SCHIP1: variants seen among roughly 807,000 people sequenced by gnomAD.
SCHIP1 encodes the protein schwannomin-interacting protein 1.
Under a neutral mutation model 29.7 loss-of-function variants are expected in SCHIP1, and 8 were observed. That is an observed-to-expected ratio of 0.27 (90% CI 0.16 to 0.49). The LOEUF (loss-of-function observed/expected upper bound fraction) is 0.49. Among genes scored for constraint, SCHIP1 ranks in the 20% least tolerant of loss-of-function variants. The pLI, the probability that SCHIP1 is intolerant of heterozygous loss-of-function variation, is 0.99. For missense variants in SCHIP1, 193 were observed against 294.6 expected, an observed-to-expected ratio of 0.66 and a Z score of 2.52; for synonymous variants, 76 against 94.9, an observed-to-expected ratio of 0.80 and a Z score of 1.16.
chr3:159,375,134 T>C, the SCHIP1 span, among the ~76,000 whole-genome samples: 1 of 152,222 alleles, frequency 6.6e-6, no homozygotes, highest in Non-Finnish European at 1.5e-5. Context: ...GTATTTCCAC[T>C]GGACAATGTT....
At chr3:159,509,180 A>G in the SCHIP1 span, among the ~76,000 whole-genome samples, 2 of 152,204 alleles carry the variant, frequency 1.3e-5, no homozygotes, top group African/African-American at 4.8e-5. Context: ...TATTTAGGAT[A>G]GTTAGCTCTT....
chr3:159,345,877 T>C, the SCHIP1 span, among the ~76,000 whole-genome samples: 1 of 151,934 alleles, frequency 6.6e-6, no homozygotes, highest in Non-Finnish European at 1.5e-5. Flanking sequence ...CCAAAACCAT[T>C]AATAGTATGG....
the SCHIP1 span, among the ~76,000 whole-genome samples, chr3:159,680,730 A>ATACATATATTATATATGTATATTATATAT: frequency 1.4e-5 from 1 of 74,018 alleles, no homozygotes; most frequent in African/African-American, 7.1e-5. Flanking sequence ...GTATATATAT[A>ATACATATATTATATATGTATATTATATAT]ATATACATAT....
the SCHIP1 span, among the ~76,000 whole-genome samples, chr3:159,793,800 C>T: frequency 6.6e-6 from 1 of 152,312 alleles, no homozygotes; most frequent in East Asian, 1.9e-4. Context: ...TCAAGTCATC[C>T]ACTTGCCTCA....
At chr3:159,847,751 C>T (rs1001717667) in intron 1 of SCHIP1, among the ~76,000 whole-genome samples, 25 of 152,104 alleles carry the variant, frequency 1.6e-4, no homozygotes, top group African/African-American at 5.8e-4. Context: ...ACCTCCCCAC[C>T]CCACACTTTT....
the SCHIP1 span, among the ~76,000 whole-genome samples, chr3:159,381,812 T>C: frequency 6.6e-6 from 1 of 152,092 alleles, no homozygotes; most frequent in African/African-American, 2.4e-5. Flanking sequence ...GCCAGGCTGG[T>C]CTCGAACTCT....
the SCHIP1 span, among the ~76,000 whole-genome samples, chr3:159,739,760 T>C: frequency 3.0e-3 from 457 of 152,358 alleles, 5 homozygotes; most frequent in African/African-American, 0.01. Flanking sequence ...CAAAATTACT[T>C]GTGCTTCTTG....
the SCHIP1 span, among the ~76,000 whole-genome samples, chr3:159,463,874 C>T: frequency 1.3e-5 from 2 of 151,948 alleles, no homozygotes; most frequent in African/African-American, 4.8e-5. Flanking sequence ...TACGTCTTTC[C>T]TTTTCTGTAC....
At chr3:159,660,275 A>C in the SCHIP1 span, among the ~76,000 whole-genome samples, 1 of 152,108 alleles carries the variant, frequency 6.6e-6, no homozygotes, top group African/African-American at 2.4e-5. Flanking sequence ...AGTATAGATG[A>C]TGTCTGTGAG....
the SCHIP1 span, among the ~76,000 whole-genome samples, chr3:159,533,000 A>T: frequency 6.6e-6 from 1 of 152,254 alleles, no homozygotes; most frequent in Admixed American, 6.5e-5. Context: ...CATATAAAAA[A>T]TAAGCCACAC....
chr3:159,397,541 A>T, the SCHIP1 span, among the ~76,000 whole-genome samples: 4,106 of 152,188 alleles, frequency 0.027, 72 homozygotes, highest in East Asian at 0.11. Flanking sequence ...CTTCTAAAAG[A>T]TAGGACCCTC....
the SCHIP1 span, among the ~76,000 whole-genome samples, chr3:159,611,106 C>T: frequency 6.6e-6 from 1 of 152,034 alleles, no homozygotes; most frequent in Non-Finnish European, 1.5e-5. Flanking sequence ...GGTATAAAGC[C>T]AATACAGGCA....
At chr3:159,849,299 CATTTT>C (rs1712256537) in intron 1 of SCHIP1, among the ~76,000 whole-genome samples, 1 of 152,016 alleles carries the variant, frequency 6.6e-6, no homozygotes, top group Non-Finnish European at 1.5e-5. Context: ...CAGTTTTTCT[CATTTT>C]AATTGTATAT....
the SCHIP1 span, among the ~76,000 whole-genome samples, chr3:159,355,979 A>C: frequency 2.7e-5 from 4 of 150,826 alleles, no homozygotes; most frequent in African/African-American, 1.0e-4. Context: ...ATTTATAGTC[A>C]TTTGGGTATA....
At chr3:159,295,990 A>G in the SCHIP1 span, among the ~76,000 whole-genome samples, 63,089 of 152,010 alleles carry the variant, frequency 0.42, 13,327 homozygotes, top group African/African-American at 0.45. Context: ...AAACTTCAGA[A>G]ATTATCAGTG....
the SCHIP1 span, among the ~76,000 whole-genome samples, chr3:159,741,954 G>A: frequency 6.6e-6 from 1 of 152,194 alleles, no homozygotes; most frequent in Admixed American, 6.5e-5. Flanking sequence ...AAGGAGGCTG[G>A]GCACGGTGGG....
the SCHIP1 span, among the ~76,000 whole-genome samples, chr3:159,455,906 G>C: frequency 6.6e-6 from 1 of 152,166 alleles, no homozygotes; most frequent in South Asian, 2.1e-4. Context: ...TGGGGCTGCT[G>C]TCAGCCTTAA....
At chr3:159,871,671 C>G (rs1715303707) in intron 2 of SCHIP1, among the ~76,000 whole-genome samples, 1 of 152,128 alleles carries the variant, frequency 6.6e-6, no homozygotes, top group South Asian at 2.1e-4. Context: ...ACCCTCCAAC[C>G]TCATCTTGAG....
chr3:159,847,631 G>T (rs1196476365), intron 1 of SCHIP1, among the ~76,000 whole-genome samples: 2 of 152,180 alleles, frequency 1.3e-5, no homozygotes, highest in Non-Finnish European at 2.9e-5. Flanking sequence ...AGTGACCACA[G>T]TTGAGTTTCT....
Sources: gnomAD v4.1 joint callset for allele counts (sites outside exome capture counted in the v4.1 genomes callset) on GRCh38, gnomAD v4.1.1 for gene constraint, MANE v1.5 for transcripts, NCBI Gene and HGNC (gene_info 2026-07-23, HGNC 2026-07-21) for gene names.